ANK1: variants seen among roughly 807,000 people sequenced by gnomAD.
ANK1 encodes ankyrin 1.
In ANK1, 51 loss-of-function variants were observed where a neutral mutation model predicts 210.4. The ratio of observed to expected loss-of-function variants is 0.24; its 90% CI spans 0.19 to 0.31. ANK1 has a LOEUF of 0.31. Among genes scored for constraint, ANK1 ranks in the 10% least tolerant of loss-of-function variants. The pLI is 1.00. For missense variants in ANK1, 2,051 were observed against 2,504.4 expected, an observed-to-expected ratio of 0.82 and a Z score of 3.86; for synonymous variants, 967 against 1,025.9, an observed-to-expected ratio of 0.94 and a Z score of 1.10.
At chr8:41,837,644 G>A (rs1038710269) in intron 1 of ANK1, among the ~76,000 whole-genome samples, 16 of 152,172 alleles carry the variant, frequency 1.1e-4, no homozygotes, top group Admixed American at 6.5e-4. Flanking sequence ...GGCTGAGGTG[G>A]GTGGATCACT....
At chr8:41,767,370 C>T (rs1842067891) in intron 1 of ANK1, among the ~76,000 whole-genome samples, 1 of 151,702 alleles carries the variant, frequency 6.6e-6, no homozygotes, top group Non-Finnish European at 1.5e-5. Context: ...CCTGCCCTGT[C>T]GCGCTGCCAT....
At chr8:41,691,842 T>C (rs1819352035) in intron 31 of ANK1, among the ~76,000 whole-genome samples, 1 of 152,204 alleles carries the variant, frequency 6.6e-6, no homozygotes, top group Admixed American at 6.5e-5. Context: ...AATGAGAATA[T>C]GCAAGAAAAG....
intron 1 of ANK1, among the ~76,000 whole-genome samples, chr8:41,770,010 T>C (rs1326625198): frequency 3.4e-5 from 5 of 146,944 alleles, no homozygotes; most frequent in Middle Eastern, 3.5e-3. Flanking sequence ...AGGAAGAGTT[T>C]AGCTCTTGTT....
At chr8:41,834,026 T>C (rs1360717456) in intron 1 of ANK1, among the ~76,000 whole-genome samples, 1 of 152,190 alleles carries the variant, frequency 6.6e-6, no homozygotes, top group Admixed American at 6.5e-5. Flanking sequence ...GGGAACATGG[T>C]GTGGCTTGGG....
At chr8:41,771,713 G>A (rs1842997144) in intron 1 of ANK1, among the ~76,000 whole-genome samples, 2 of 152,198 alleles carry the variant, frequency 1.3e-5, no homozygotes, top group African/African-American at 4.8e-5. Flanking sequence ...CCTCGCCTGT[G>A]GGGTTCTGTC....
chr8:41,868,690 A>G (rs904477286), intron 1 of ANK1, among the ~76,000 whole-genome samples: 1 of 152,232 alleles, frequency 6.6e-6, no homozygotes. Context: ...GGTCTGATAC[A>G]TTATTTACAA....
chr8:41,732,239 A>G (rs1297169787), intron 3 of ANK1, among the ~76,000 whole-genome samples: 1 of 152,126 alleles, frequency 6.6e-6, no homozygotes, highest in Non-Finnish European at 1.5e-5. Context: ...TGGAACTGAA[A>G]TTGAGGTTGT....
chr8:41,763,170 C>T (rs190093197), intron 1 of ANK1, among the ~76,000 whole-genome samples: 5 of 148,970 alleles, frequency 3.4e-5, no homozygotes, highest in Admixed American at 2.0e-4. Context: ...GCTGAGATTG[C>T]GGCACTGCAC....
intron 1 of ANK1, among the ~76,000 whole-genome samples, chr8:41,858,060 T>C (rs1180943793): frequency 1.3e-5 from 2 of 151,916 alleles, no homozygotes; most frequent in Non-Finnish European, 2.9e-5. Context: ...AGACCCCCCA[T>C]CTCTACAAAA....
chr8:41,831,658 AGAAG>A (rs1563866161), intron 1 of ANK1, among the ~76,000 whole-genome samples: 3 of 44,056 alleles, frequency 6.8e-5, no homozygotes, highest in African/African-American at 1.8e-4. Flanking sequence ...AAAAAAAAGA[AGAAG>A]AAAAAGAAAA....
intron 1 of ANK1, among the ~76,000 whole-genome samples, chr8:41,842,916 C>T (rs951665692): frequency 2.6e-5 from 4 of 152,022 alleles, no homozygotes; most frequent in African/African-American, 4.8e-5. Context: ...GCATGATCTC[C>T]GCTCACTGCA....
intron 2 of ANK1, among the ~76,000 whole-genome samples, chr8:41,750,535 C>T (rs1837456634): frequency 6.6e-6 from 1 of 151,684 alleles, no homozygotes; most frequent in Admixed American, 6.6e-5. Flanking sequence ...AAGCTTTCAC[C>T]ATTCATAGCT....
chr8:41,750,983 C>T lies in ANK1; in HGVS notation c.129+7053G>A, dbSNP rs1462272914. Among the ~76,000 whole-genome samples, 7 of 152,106 alleles carry T rather than the reference C, an allele frequency of 4.6e-5. No homozygotes were observed. In the South Asian group the frequency reaches 8.3e-4, roughly 18 times the overall value. ...CTAAAAGAGTGAGGCTTTTTGCCCC[C>T]GGGATTCCAGCTCACGGCCCCCAGT... On this transcript the variant is annotated intron_variant, in intron 2 of 42. Transcript: ENST00000289734.
chr8:41,711,047 T>G (rs1476822068), intron 16 of ANK1, among the ~76,000 whole-genome samples: 2 of 152,272 alleles, frequency 1.3e-5, no homozygotes, highest in Non-Finnish European at 2.9e-5. Context: ...TAAATTGTTC[T>G]TCGTAGGTTG....
chr8:41,715,478 G>C (rs1827364948), intron 14 of ANK1, among the ~76,000 whole-genome samples, 174 bp downstream of exon 14: 2 of 152,350 alleles, frequency 1.3e-5, no homozygotes, highest in South Asian at 4.1e-4. Context: ...TTTTGGGGAA[G>C]GATGGAGACA....
rs1237626870 is a variant in ANK1 at position 41,723,236 on chromosome 8, GA to G, written c.811-14del. 1 of 1,613,836 alleles carries G rather than the reference GA, an allele frequency of 6.2e-7. No individual in the cohort carries two copies. The highest frequency in any genetic ancestry group is 2.2e-5 in the East Asian group (1 of 44,902). ...GTGTCAATTCGTCCTTTAAAAGACA[GA>G]GTCAAAAACAGAAAGCCCAAAAGGC... On this transcript the variant is annotated splice_polypyrimidine_tract_variant and intron_variant, in intron 8 of 42. Coordinates refer to ENST00000289734, the MANE Select transcript of ANK1 (RefSeq NM_000037.4).
At position 41,693,994 on chromosome 8, in the gene ANK1, C is replaced by T. The variant is rs2150592167; in HGVS notation, c.3436G>A (p.Gly1146Arg). The change falls in exon 29 of 43, where the codon GGG (glycine) becomes AGG (arginine). Residue 1146 changes from glycine (G) to arginine (R), a missense_variant. Transcript: ENST00000289734. ...GAAGGAGGTAGTGGGATCCGAAGCC[C>T]AATGGGGCGGTGGAACTTCCGGCGC... ...PRRRKFHRPI[G>R]LRIPLPPSWT... 2 of 1,614,122 alleles carry T rather than the reference C, an allele frequency of 1.2e-6. No homozygotes were observed. Among genetic ancestry groups the T allele is most frequent in the East Asian group, 4.5e-5 (2 of 44,886 alleles).
chr8:41,658,818 G>A (rs561969008), intron 42 of ANK1, among the ~76,000 whole-genome samples: 14 of 152,114 alleles, frequency 9.2e-5, no homozygotes, highest in African/African-American at 1.9e-4. Context: ...ACTTGAACCC[G>A]GGAGATGGAG....
intron 16 of ANK1, 36 bp downstream of exon 16, chr8:41,714,120 T>C: frequency 7.7e-7 from 1 of 1,301,394 alleles, no homozygotes; most frequent in Non-Finnish European, 9.9e-7. Context: ...GGTGACCTGC[T>C]CTCCAGGGGC....
Sources: allele counts gnomAD v4.1 joint callset (sites outside exome capture counted in the v4.1 genomes callset), GRCh38; gene constraint gnomAD v4.1.1; transcripts MANE v1.5; gene names NCBI Gene and HGNC (gene_info 2026-07-23, HGNC 2026-07-21).